IL27RA: variants seen among roughly 807,000 people sequenced by gnomAD.
The protein encoded by IL27RA is interleukin-27 receptor subunit alpha.
In IL27RA, 61 loss-of-function variants were observed where a neutral mutation model predicts 80.8. The observed-to-expected ratio is 0.76, with a 90% CI of 0.61 to 0.93. The LOEUF is 0.93. IL27RA is among the 40% of genes least tolerant of loss of function. The pLI, the probability that IL27RA is intolerant of heterozygous loss-of-function variation, is 0.00. For missense variants in IL27RA, 735 were observed against 808.1 expected (o/e 0.91, Z 1.10); for synonymous variants, 316 against 332.5 (o/e 0.95, Z 0.54).
chr19:14,052,683 T>G lies in IL27RA; in HGVS notation c.*393T>G. 5.9e-6 allele frequency: 1 copy of G among 168,808 alleles called. No homozygotes were observed. The highest frequency in any genetic ancestry group is 1.3e-5 in the Non-Finnish European group (1 of 79,492). The allele number at this position is 168,808 out of a possible 1,614,324, so 10.5% of individuals were successfully genotyped here. A position where few individuals can be genotyped will look rare whatever the true frequency, so the allele number is the denominator to read the frequency against. On this transcript the variant is annotated 3_prime_UTR_variant, in exon 14 of 14. Coordinates refer to ENST00000263379, the MANE Select transcript of IL27RA (RefSeq NM_004843.4). ...GAGTTTGAGACCAGCCTGGGCAATA[T>G]AGCAAGACCCCTCACTACAAAAATA... is the stretch of plus-strand genomic sequence containing the variant.
intron 2 of IL27RA, among the ~76,000 whole-genome samples, chr19:14,038,567 TAAAAAAAA>T (rs34678070): frequency 3.0e-5 from 3 of 101,032 alleles, no homozygotes; most frequent in Admixed American, 1.1e-4. Context: ...GTCGTGTCTC[TAAAAAAAA>T]AAAAAAAAAA....
chr19:14,050,931 A>AG, intron 11 of IL27RA, 48 bp downstream of exon 11: 8 of 1,564,688 alleles, frequency 5.1e-6, no homozygotes, highest in Non-Finnish European at 7.0e-6. Context: ...TGTACTCCAC[A>AG]GTGGGGAGAG....
At chr19:14,032,282 A>G in intron 1 of IL27RA, 104 bp from the exon 2 acceptor site, 1 of 901,296 alleles carries the variant, frequency 1.1e-6, no homozygotes, top group Non-Finnish European at 1.7e-6. Flanking sequence ...TCATTTCCCT[A>G]AGCCCCCCCA....
chr19:14,044,841 CA>C (rs1976040540), intron 6 of IL27RA, among the ~76,000 whole-genome samples: 3 of 151,510 alleles, frequency 2.0e-5, no homozygotes. Context: ...AAAACATTAC[CA>C]GGGGCCGGGC....
intron 6 of IL27RA, among the ~76,000 whole-genome samples, chr19:14,043,751 A>T (rs1171911190): frequency 1.3e-5 from 2 of 151,828 alleles, no homozygotes; most frequent in African/African-American, 4.8e-5. Context: ...TGCTAGTATC[A>T]AAAGGGTATT....
chr19:14,039,602 G>C lies in IL27RA; in HGVS notation c.313G>C (p.Val105Leu). The change falls in exon 3 of 14, where the codon GTC becomes CTC. Residue 105 changes from valine (V) to leucine (L), a missense_variant. By Grantham distance (32) the Val-to-Leu change is conservative. Coordinates refer to ENST00000263379, the MANE Select transcript of IL27RA (RefSeq NM_004843.4). The part of the protein sequence containing the change: ...EQLTMSDKLL[V>L]WGTKAGQPLW... ...GCTCACCATGTCTGACAAACTCCTT[G>C]TCTGGGGCACTAAGGCAGGCCAGCC... is the stretch of plus-strand genomic sequence containing the variant. 6.2e-7 allele frequency: 1 copy of C among 1,614,208 alleles called. No homozygotes were observed. Among genetic ancestry groups the C allele is most frequent in the Non-Finnish European group, 8.5e-7 (1 of 1,180,040 alleles).
chr19:14,039,704 G>T, intron 3 of IL27RA, 39 bp downstream of exon 3: 1 of 1,610,348 alleles, frequency 6.2e-7, no homozygotes, highest in South Asian at 1.1e-5. Context: ...TGCGGGGTGG[G>T]TGCTCTTGGA....
At chr19:14,036,271 A>T (rs1975896778) in intron 2 of IL27RA, among the ~76,000 whole-genome samples, 1 of 152,082 alleles carries the variant, frequency 6.6e-6, no homozygotes, top group African/African-American at 2.4e-5. Flanking sequence ...ATGGAATTAC[A>T]GGTGCTACTA....
chr19:14,031,785 G>C lies in IL27RA; in HGVS notation c.-88G>C. On this transcript the variant is annotated 5_prime_UTR_variant, in exon 1 of 14. Coordinates refer to ENST00000263379, the MANE Select transcript of IL27RA (RefSeq NM_004843.4). Reference sequence around the variant, plus strand: ...TGGTTCGGCTTCCCGTTGCCGCCTCGGGCGCTGTACCCAGAGCTCGAAGAG... The same window carrying C: ...TGGTTCGGCTTCCCGTTGCCGCCTCCGGCGCTGTACCCAGAGCTCGAAGAG... 2 of 1,135,758 alleles carry C rather than the reference G, an allele frequency of 1.8e-6. No individual in the cohort carries two copies. The highest frequency in any genetic ancestry group is 2.4e-6 in the Non-Finnish European group (2 of 817,288). The allele number at this position is 1,135,758 out of a possible 1,614,324, so 70.4% of individuals were successfully genotyped here.
Position 14,049,286 on chromosome 19 carries a change from T to G in IL27RA, c.1374T>G (p.Ser458Arg). The change falls in exon 10 of 14, where the codon AGT (serine) becomes AGG (arginine). Residue 458 changes from serine to arginine, a missense_variant. Ser to Arg is a moderately radical substitution (Grantham distance 110). Coordinates refer to ENST00000263379, the MANE Select transcript of IL27RA (RefSeq NM_004843.4). ...HLTHYTLCAQ[S>R]GTSPSVCMNV... is the part of the protein sequence containing the mutation. ...CCCACTACACCTTGTGTGCACAGAG[T>G]GGAACCAGCCCCTCCGTCTGCATGA... The G allele has an allele frequency of 6.2e-7, 1 of 1,613,918 alleles. No individual in the cohort carries two copies. The highest frequency in any genetic ancestry group is 8.5e-7 in the Non-Finnish European group (1 of 1,179,978).
At position 14,052,215 on chromosome 19, in the gene IL27RA, G is replaced by A. The variant is rs1976184024; in HGVS notation, c.1836G>A (p.Gly612=). 6.2e-7 allele frequency: 1 copy of A among 1,601,102 alleles called. No individual in the cohort carries two copies. The highest frequency in any genetic ancestry group is 1.3e-5 in the African/African-American group (1 of 74,720). ...PAQATAPLDS[G]YEKHFLPTPE... ...AGGCCACCGCCCCGCTTGACTCTGG[G>A]TATGAGAAGCACTTCCTGCCCACAC... The change falls in exon 14 of 14, where the codon GGG becomes GGA. Residue 612 remains glycine (G), a synonymous_variant. Transcript: ENST00000263379.
intron 6 of IL27RA, 57 bp downstream of exon 6, chr19:14,042,846 C>T: frequency 6.8e-7 from 1 of 1,467,818 alleles, no homozygotes; most frequent in Non-Finnish European, 9.5e-7. Flanking sequence ...CCCTAAATAA[C>T]AATGACATAA....
intron 4 of IL27RA, 71 bp downstream of exon 4, chr19:14,039,981 AC>A: frequency 6.7e-7 from 1 of 1,491,620 alleles, no homozygotes. Flanking sequence ...CTAATCTGAG[AC>A]CCAGCCCAGG....
chr19:14,046,857 C>T (rs1395517769), intron 8 of IL27RA, among the ~76,000 whole-genome samples: 7 of 151,614 alleles, frequency 4.6e-5, no homozygotes, highest in Non-Finnish European at 8.8e-5. Context: ...ATTAGTGGGG[C>T]GTGGTGGCAC....
chr19:14,034,983 C>T (rs1201664325), intron 2 of IL27RA, among the ~76,000 whole-genome samples: 1 of 124,274 alleles, frequency 8.0e-6, no homozygotes, highest in Non-Finnish European at 1.6e-5. Context: ...CAACATAAAA[C>T]TTAACGATAT....
Position 14,052,903 on chromosome 19 carries a change from C to CAAAAAAAAAA in IL27RA, c.*620_*629dup. On this transcript the variant is annotated 3_prime_UTR_variant, in exon 14 of 14. Transcript: ENST00000263379. Reference sequence around the variant, plus strand: ...CAAAAATAAACAAACTAATAAAAAGCAAAAAAAAAAAAAAAAGAAAAGAAA... The same window carrying CAAAAAAAAAA: ...CAAAAATAAACAAACTAATAAAAAGCAAAAAAAAAAAAAAAAAAAAAAAAAAGAAAAGAAA... 1 of 89,818 alleles carries CAAAAAAAAAA rather than the reference C, an allele frequency of 1.1e-5. No individual in the cohort carries two copies. Among genetic ancestry groups the CAAAAAAAAAA allele is most frequent in the East Asian group, 3.1e-4 (1 of 3,248 alleles). The allele number at this position is 89,818 out of a possible 1,614,324, so 5.6% of individuals were successfully genotyped here. A position where few individuals can be genotyped will look rare whatever the true frequency, so the allele number is the denominator to read the frequency against.
At chr19:14,036,677 C>T (rs888192729) in intron 2 of IL27RA, among the ~76,000 whole-genome samples, 1 of 151,676 alleles carries the variant, frequency 6.6e-6, no homozygotes, top group African/African-American at 2.4e-5. Context: ...TTAGTAGAGC[C>T]GAGTTTCACC....
chr19:14,051,593 C>T lies in IL27RA; in HGVS notation c.1529-14C>T, dbSNP rs781533110. On this transcript the variant is annotated splice_polypyrimidine_tract_variant and intron_variant, in intron 11 of 13. Transcript: ENST00000263379. ...AATAAAAAATTAAGAATGATCTCTT[C>T]CCTACCCTACCAGATAACACCCTGA... The T allele has an allele frequency of 6.2e-6, 9 of 1,458,936 alleles. No individual in the cohort carries two copies. Among genetic ancestry groups the T allele is most frequent in the Non-Finnish European group, 8.5e-6 (9 of 1,058,288 alleles). The allele number at this position is 1,458,936 out of a possible 1,614,324, so 90.4% of individuals were successfully genotyped here.
At chr19:14,049,125 G>T (rs1976117144) in intron 9 of IL27RA, 31 bp from the exon 10 acceptor site, 1 of 1,612,714 alleles carries the variant, frequency 6.2e-7, no homozygotes, top group Admixed American at 1.7e-5. Flanking sequence ...TGTAACCCAG[G>T]CCGACCTTGA....
Sources: allele counts gnomAD v4.1 joint callset (sites outside exome capture counted in the v4.1 genomes callset), GRCh38; gene constraint gnomAD v4.1.1; transcripts MANE v1.5; gene names NCBI Gene and HGNC (gene_info 2026-07-23, HGNC 2026-07-21).